Variants in RALYL observed in about 807,000 individuals in gnomAD.
RALYL encodes RNA-binding Raly-like protein.
A neutral mutation model predicts 35.1 loss-of-function variants in RALYL; 29 were observed. The ratio of observed to expected loss-of-function variants is 0.83; its 90% CI spans 0.61 to 1.13. The LOEUF (loss-of-function observed/expected upper bound fraction) is 1.13. Ranked by LOEUF, RALYL falls within the 50% of genes most tolerant of loss-of-function variation. The pLI is 0.00. For missense variants in RALYL, 359 were observed against 360.4 expected (o/e 1.00, Z 0.03); for synonymous variants, 120 against 127.6 (o/e 0.94, Z 0.40).
At chr8:84,675,861 T>C (rs1834084093) in intron 2 of RALYL, among the ~76,000 whole-genome samples, 1 of 152,164 alleles carries the variant, frequency 6.6e-6, no homozygotes, top group South Asian at 2.1e-4. Flanking sequence ...GTAACAAAAT[T>C]GCACGTGTAC....
rs571603972 is a variant in RALYL at position 84,651,879 on chromosome 8, AT to A, written c.256+122304del. Among the ~76,000 whole-genome samples the A allele has an allele frequency of 7.9e-5, 12 of 152,148 alleles. No homozygotes were observed. The East Asian group carries it at 2.1e-3, about 27-fold the overall frequency. Reference sequence around the variant, plus strand: ...TGAAAGAAAAGAGCAGATCAATTGGATTAGGATAATTTAAAAGAGTAGAAAA... The same window carrying A: ...TGAAAGAAAAGAGCAGATCAATTGGATAGGATAATTTAAAAGAGTAGAAAA... On this transcript the variant is annotated intron_variant, in intron 2 of 8. Coordinates refer to ENST00000521268, the MANE Select transcript of RALYL (RefSeq NM_173848.7).
At chr8:84,486,832 AACATAAGGTCT>A (rs2054682250) in intron 1 of RALYL, among the ~76,000 whole-genome samples, 2 of 152,124 alleles carry the variant, frequency 1.3e-5, no homozygotes, top group South Asian at 4.1e-4. Context: ...AAAAACACTT[AACATAAGGTCT>A]ACCCTCTTAA....
At chr8:84,488,975 A>G (rs2054947968) in intron 1 of RALYL, among the ~76,000 whole-genome samples, 1 of 152,098 alleles carries the variant, frequency 6.6e-6, no homozygotes, top group Non-Finnish European at 1.5e-5. Context: ...AAATTATAAT[A>G]AAGGAAGCCA....
intron 1 of RALYL, among the ~76,000 whole-genome samples, chr8:84,336,917 G>T (rs184611746): frequency 1.3e-3 from 201 of 151,774 alleles, no homozygotes; most frequent in African/African-American, 4.4e-3. Context: ...ATAGACACTA[G>T]TTTGAACATT....
At chr8:84,804,415 A>C (rs918786751) in intron 3 of RALYL, among the ~76,000 whole-genome samples, 1 of 152,218 alleles carries the variant, frequency 6.6e-6, no homozygotes. Context: ...CTATTACAAC[A>C]ACCACAAATA....
chr8:84,734,056 T>G (rs1261802253), intron 2 of RALYL, among the ~76,000 whole-genome samples: 1 of 152,184 alleles, frequency 6.6e-6, no homozygotes, highest in Non-Finnish European at 1.5e-5. Context: ...CTAATAAGGC[T>G]TTTACTCTTT....
chr8:84,310,963 C>T (rs1443333840), intron 1 of RALYL, among the ~76,000 whole-genome samples: 5 of 133,820 alleles, frequency 3.7e-5, no homozygotes, highest in South Asian at 4.9e-4. Flanking sequence ...AGGAGAATGG[C>T]GTGAACCCGG....
At chr8:84,829,385 T>C (rs942278676) in intron 4 of RALYL, 1 of 153,648 alleles carries the variant, frequency 6.5e-6, no homozygotes, top group South Asian at 2.0e-4. Context: ...GGGAGATGTG[T>C]TGGTGAAATA....
chr8:84,425,159 C>T (rs1472942887), intron 1 of RALYL, among the ~76,000 whole-genome samples: 2 of 152,172 alleles, frequency 1.3e-5, no homozygotes, highest in African/African-American at 4.8e-5. Flanking sequence ...CTCGCTGCTA[C>T]CTTGCAGTTT....
intron 3 of RALYL, among the ~76,000 whole-genome samples, chr8:84,787,211 C>A (rs527863893): frequency 4.6e-5 from 7 of 151,612 alleles, no homozygotes; most frequent in Non-Finnish European, 8.8e-5. Flanking sequence ...TCTCTGTGTC[C>A]ATGTGTTCTC....
At chr8:84,716,942 G>A (rs1232383647) in intron 2 of RALYL, among the ~76,000 whole-genome samples, 1 of 151,962 alleles carries the variant, frequency 6.6e-6, no homozygotes, top group African/African-American at 2.4e-5. Flanking sequence ...TCATAGATAT[G>A]CTTTGGGAGG....
intron 2 of RALYL, among the ~76,000 whole-genome samples, chr8:84,599,103 C>A (rs1168758283): frequency 6.6e-6 from 1 of 151,974 alleles, no homozygotes; most frequent in Admixed American, 6.6e-5. Context: ...AACATATAAC[C>A]TTAAGATTAT....
intron 2 of RALYL, among the ~76,000 whole-genome samples, chr8:84,736,071 C>A (rs1847256910): frequency 6.6e-6 from 1 of 152,056 alleles, no homozygotes; most frequent in Non-Finnish European, 1.5e-5. Context: ...GTGAGAAACA[C>A]AGGAGGCAGA....
chr8:84,750,401 T>C (rs535319576), intron 2 of RALYL, among the ~76,000 whole-genome samples: 1 of 152,232 alleles, frequency 6.6e-6, no homozygotes, highest in East Asian at 1.9e-4. Context: ...AGGTGCTTTC[T>C]ATAAAGCTGT....
intron 2 of RALYL, among the ~76,000 whole-genome samples, chr8:84,655,925 A>T (rs1441266112): frequency 6.6e-6 from 1 of 152,158 alleles, no homozygotes; most frequent in Non-Finnish European, 1.5e-5. Context: ...AACCTTGTTT[A>T]GTTACTTTTA....
intron 1 of RALYL, among the ~76,000 whole-genome samples, chr8:84,358,751 A>G (rs1852363819): frequency 6.6e-6 from 1 of 152,066 alleles, no homozygotes; most frequent in Non-Finnish European, 1.5e-5. Context: ...AGTTAGAAAT[A>G]GAAATGTTGA....
At chr8:84,443,455 C>T (rs555240236) in intron 1 of RALYL, among the ~76,000 whole-genome samples, 8 of 152,108 alleles carry the variant, frequency 5.3e-5, no homozygotes, top group African/African-American at 7.2e-5. Context: ...AATTTATCAG[C>T]GAGCATTAGA....
intron 1 of RALYL, among the ~76,000 whole-genome samples, chr8:84,434,945 T>C (rs1213003520): frequency 1.3e-5 from 2 of 152,212 alleles, no homozygotes; most frequent in African/African-American, 4.8e-5. Context: ...AATAATATCT[T>C]CAAAGTAATG....
intron 1 of RALYL, among the ~76,000 whole-genome samples, chr8:84,187,303 T>C (rs1172830778): frequency 6.6e-6 from 1 of 152,156 alleles, no homozygotes; most frequent in Admixed American, 6.5e-5. Flanking sequence ...ATCTCAGTCT[T>C]GATATAAAGA....
Sources: gnomAD v4.1 joint callset for allele counts (sites outside exome capture counted in the v4.1 genomes callset) on GRCh38, gnomAD v4.1.1 for gene constraint, MANE v1.5 for transcripts, NCBI Gene and HGNC (gene_info 2026-07-23, HGNC 2026-07-21) for gene names.